The following SAP130 variants were observed in gnomAD, a reference collection of about 807,000 sequenced individuals.
SAP130 encodes the protein Sin3A associated protein 130.
Under a neutral mutation model 103.2 loss-of-function variants are expected in SAP130, and 16 were observed. The observed-to-expected ratio is 0.16, with a 90% CI of 0.10 to 0.24. SAP130 has a LOEUF of 0.24. SAP130 is among the 10% of genes least tolerant of loss of function. The pLI, the probability that SAP130 is intolerant of heterozygous loss-of-function variation, is 1.00. For synonymous variants in SAP130, 477 were observed against 497.0 expected (o/e 0.96, Z 0.53); for missense variants, 990 against 1,359.7 (o/e 0.73, Z 4.28).
In SAP130 at chr2:127,942,659, G is replaced by A. The variant is rs1678788965; in HGVS notation, c.2902-122C>T. 6.2e-6 allele frequency: 4 copies of A among 649,194 alleles called. No individual in the cohort carries two copies. The highest frequency in any genetic ancestry group is 1.8e-5 in the African/African-American group (1 of 55,024). 40.2% of individuals were successfully genotyped at this position (649,194 alleles called of 1,614,324 possible). ...GTCTAAGAGTTGTTTGGGTGACAAC[G>A]TCCTTTCTCCTAAGGACTAAGATAC... is the stretch of plus-strand genomic sequence containing the variant. On this transcript the variant is annotated intron_variant, in intron 19 of 20. Coordinates refer to ENST00000643581, the MANE Select transcript of SAP130 (RefSeq NM_001330301.2). The surrounding 1 kb of genome is among the most constrained non-coding windows in gnomAD (Gnocchi z 4.8).
chr2:128,016,573 A>C (rs747601618), intron 3 of SAP130, 26 bp from the exon 4 acceptor site: 1 of 1,598,188 alleles, frequency 6.3e-7, no homozygotes, highest in African/African-American at 1.3e-5. Context: ...CACACAAAAC[A>C]TATCAATGGC....
intron 15 of SAP130, among the ~76,000 whole-genome samples, chr2:127,968,857 C>T (rs1443476561): frequency 6.6e-6 from 1 of 152,122 alleles, no homozygotes; most frequent in East Asian, 1.9e-4. Flanking sequence ...TTCTCCATTA[C>T]TTTCTTACGT....
intron 15 of SAP130, among the ~76,000 whole-genome samples, chr2:127,957,826 A>C (rs1679951254): frequency 6.6e-6 from 1 of 152,212 alleles, no homozygotes. Context: ...AAAAGAGAGA[A>C]GAGAGACAGT....
Position 128,017,852 on chromosome 2 carries a change from G to T in SAP130, c.176C>A (p.Ser59Tyr). Residue 59 changes from serine to tyrosine, a missense_variant, in exon 3 of 21, where the codon TCC becomes TAC. Physicochemically the swap from Ser to Tyr is moderately radical, Grantham distance 144. This residue lies in a region of SAP130 where 167 missense variants were observed against 187.4 expected (regional missense o/e 0.89). Coordinates refer to ENST00000643581, the MANE Select transcript of SAP130 (RefSeq NM_001330301.2). The part of the protein sequence containing the change: ...SAREHMSSSS[S>Y]LQSREEKQEP... Reference sequence around the variant, plus strand: ...TTGCTTCTCCTCCCGGGACTGGAGGGAGCTGCTGGAACTCATGTGCTCCCT... The same window carrying T: ...TTGCTTCTCCTCCCGGGACTGGAGGTAGCTGCTGGAACTCATGTGCTCCCT... 6.2e-7 allele frequency: 1 copy of T among 1,614,228 alleles called. No homozygotes were observed. Among genetic ancestry groups the T allele is most frequent in the Non-Finnish European group, 8.5e-7 (1 of 1,180,054 alleles).
At chr2:128,027,072 C>T (rs745655160) in intron 1 of SAP130, 2 of 1,435,744 alleles carry the variant, frequency 1.4e-6, no homozygotes, top group African/African-American at 2.9e-5. Flanking sequence ...GACCACAAGA[C>T]GAGCACTGTG....
Position 128,010,298 on chromosome 2 carries a change from T to C in SAP130, c.840A>G (p.Thr280=). The C allele has an allele frequency of 6.2e-7, 1 of 1,613,922 alleles. No individual in the cohort carries two copies. Among genetic ancestry groups the C allele is most frequent in the Non-Finnish European group, 8.5e-7 (1 of 1,179,948 alleles). The change falls in exon 7 of 21, where the codon ACA becomes ACG. Residue 280 remains threonine (T), a synonymous_variant. Coordinates refer to ENST00000643581, the MANE Select transcript of SAP130 (RefSeq NM_001330301.2). ...TRAQSPVITT[T]AAHATDSALS... ...GTGCTGAATCAGTAGCATGCGCCGC[T>C]GTCGTAGTGATGACTGGAGACTGAG... is the stretch of plus-strand genomic sequence containing the variant.
chr2:127,973,196 G>A (rs931537564), intron 15 of SAP130, among the ~76,000 whole-genome samples: 1 of 152,052 alleles, frequency 6.6e-6, no homozygotes, highest in Admixed American at 6.6e-5. Flanking sequence ...TCACCAGCAC[G>A]GACTTCTACT....
At chr2:127,950,067 G>A in intron 17 of SAP130, 73 bp from the exon 18 acceptor site, 1 of 1,604,268 alleles carries the variant, frequency 6.2e-7, no homozygotes, top group Non-Finnish European at 8.5e-7. Context: ...CAGTAAGTGA[G>A]GTACGAGTGA....
chr2:127,967,613 G>A (rs905721390), intron 15 of SAP130, among the ~76,000 whole-genome samples: 1 of 152,170 alleles, frequency 6.6e-6, no homozygotes, highest in Admixed American at 6.5e-5. Context: ...GGCCAAGCTG[G>A]TCTTGAACTC....
chr2:128,026,143 A>C (rs754629533), intron 2 of SAP130, 38 bp downstream of exon 2: 3 of 1,364,966 alleles, frequency 2.2e-6, no homozygotes, highest in Non-Finnish European at 2.1e-6. Context: ...AATATTCTTA[A>C]AGTAGGAAAA....
chr2:127,944,468 C>T (rs1013520386), intron 19 of SAP130, among the ~76,000 whole-genome samples: 3 of 151,120 alleles, frequency 2.0e-5, no homozygotes, highest in Admixed American at 6.6e-5. Context: ...TTTGCTCTTT[C>T]GCCCAGGCTT....
At chr2:127,990,087 T>C (rs1209156698) in intron 12 of SAP130, among the ~76,000 whole-genome samples, 4 of 152,144 alleles carry the variant, frequency 2.6e-5, no homozygotes, top group Admixed American at 6.5e-5. Flanking sequence ...TTCTACAGAC[T>C]ACTAGAAATA....
At chr2:127,959,901 A>G (rs1680117276) in intron 15 of SAP130, among the ~76,000 whole-genome samples, 1 of 152,208 alleles carries the variant, frequency 6.6e-6, no homozygotes, top group Admixed American at 6.5e-5. Context: ...AACTGAAATA[A>G]GACGGTCTTG....
chr2:128,023,543 G>A (rs181012209), intron 2 of SAP130, among the ~76,000 whole-genome samples: 12 of 152,240 alleles, frequency 7.9e-5, no homozygotes, highest in African/African-American at 2.6e-4. Context: ...ACTTTGGGAG[G>A]CTGAGGCGGG....
intron 17 of SAP130, 42 bp downstream of exon 17, chr2:127,950,118 T>A (rs768682154): frequency 6.2e-7 from 1 of 1,612,050 alleles, no homozygotes; most frequent in South Asian, 1.1e-5. Context: ...ACTCTGACTT[T>A]ATTGGGAAGC....
intron 11 of SAP130, among the ~76,000 whole-genome samples, chr2:127,993,663 T>C (rs1682971815): frequency 6.6e-6 from 1 of 152,188 alleles, no homozygotes; most frequent in South Asian, 2.1e-4. Flanking sequence ...ACTGGCCAAT[T>C]TCATTAAAAA....
intron 12 of SAP130, among the ~76,000 whole-genome samples, chr2:127,990,993 G>A (rs1682757010): frequency 6.6e-6 from 1 of 151,428 alleles, no homozygotes; most frequent in Non-Finnish European, 1.5e-5. Flanking sequence ...GCTCACGCCT[G>A]TGATCCCAGC....
rs753979426 is a variant in SAP130, at chr2:127,996,304, G to A, written c.1355+46C>T. On this transcript the variant is annotated intron_variant, in intron 11 of 20. Transcript: ENST00000643581. This position sits in a 1 kb window ranked among gnomAD's most constrained non-coding sequence, Gnocchi z 4.3. ...TTGTTTTATGCTGATAAAGCAGAAC[G>A]ATTAATGACACAGTGAGGCAGAATA... 12 of 1,494,254 alleles carry A rather than the reference G, an allele frequency of 8.0e-6. No homozygotes were observed. Among genetic ancestry groups the A allele is most frequent in the African/African-American group, 2.8e-5 (2 of 70,988 alleles). The allele number at this position is 1,494,254 out of a possible 1,614,324, so 92.6% of individuals were successfully genotyped here.
At chr2:128,014,585 C>A (rs543016688) in intron 5 of SAP130, among the ~76,000 whole-genome samples, 2 of 152,196 alleles carry the variant, frequency 1.3e-5, no homozygotes, top group Non-Finnish European at 2.9e-5. Context: ...GAACCTACCA[C>A]CTCAGCCTCC....
Sources: allele counts gnomAD v4.1 joint callset (sites outside exome capture counted in the v4.1 genomes callset), GRCh38; gene constraint gnomAD v4.1.1; regional missense constraint gnomAD v4.1.1; non-coding constraint Gnocchi (gnomAD v3.1); transcripts MANE v1.5; gene names NCBI Gene and HGNC (gene_info 2026-07-23, HGNC 2026-07-21).